Variants in ZFHX3 observed in about 807,000 individuals in gnomAD.
The protein encoded by ZFHX3 is zinc finger homeobox 3.
ZFHX3 carries 42 observed loss-of-function variants against 279.1 expected under a neutral mutation model. The ratio of observed to expected loss-of-function variants is 0.15; its 90% CI spans 0.12 to 0.19. The LOEUF (loss-of-function observed/expected upper bound fraction) is 0.19, where lower values mean the gene tolerates loss of function less well. ZFHX3 is among the 10% of genes least tolerant of loss of function. ZFHX3 has a pLI of 1.00. For missense variants in ZFHX3, 4,981 were observed against 4,754.0 expected, an observed-to-expected ratio of 1.05 and a Z score of -1.40; for synonymous variants, 2,293 against 1,957.8, an observed-to-expected ratio of 1.17 and a Z score of -4.52.
intron 4 of ZFHX3, among the ~76,000 whole-genome samples, chr16:73,301,868 C>G (rs2015063743): frequency 6.6e-6 from 1 of 151,282 alleles, no homozygotes. Flanking sequence ...CCGGCAAGAG[C>G]ATCCTCAAGC....
intron 1 of ZFHX3, among the ~76,000 whole-genome samples, chr16:73,795,523 C>T (rs1959964900): frequency 6.6e-6 from 1 of 152,124 alleles, no homozygotes; most frequent in African/African-American, 2.4e-5. Context: ...CATTAAAACC[C>T]TGAATAGAGA....
intron 3 of ZFHX3, among the ~76,000 whole-genome samples, chr16:73,362,235 G>A (rs551179657): frequency 5.4e-4 from 82 of 152,300 alleles, no homozygotes; most frequent in African/African-American, 1.9e-3. Context: ...TCAGGTCTCT[G>A]AGAGGCACAA....
intron 2 of ZFHX3, among the ~76,000 whole-genome samples, chr16:73,517,816 T>C (rs1452706402): frequency 1.3e-5 from 2 of 152,208 alleles, no homozygotes; most frequent in African/African-American, 4.8e-5. Context: ...TGCTCAGGTC[T>C]AAAGCAGTGT....
chr16:73,116,311 A>G (rs1380081246), intron 7 of ZFHX3, among the ~76,000 whole-genome samples: 1 of 151,984 alleles, frequency 6.6e-6, no homozygotes, highest in African/African-American at 2.4e-5. Context: ...TACCTCATTA[A>G]TGGGGATTTG....
intron 2 of ZFHX3, among the ~76,000 whole-genome samples, chr16:73,567,797 C>A (rs1280596513): frequency 1.3e-5 from 2 of 152,152 alleles, no homozygotes; most frequent in East Asian, 3.9e-4. Context: ...TATTGTATAC[C>A]TTCGAATTTT....
chr16:73,555,497 C>T (rs933367790), intron 2 of ZFHX3, among the ~76,000 whole-genome samples: 21 of 151,932 alleles, frequency 1.4e-4, no homozygotes, highest in Admixed American at 9.8e-4. Context: ...CTCCGCTTCC[C>T]TCCCCAGTGG....
chr16:73,649,965 G>T (rs1221480453), intron 2 of ZFHX3, among the ~76,000 whole-genome samples: 2 of 152,154 alleles, frequency 1.3e-5, no homozygotes, highest in African/African-American at 4.8e-5. Context: ...AGCACTTGAA[G>T]AAAAATAGTT....
At chr16:73,248,905 A>T (rs971592448) in intron 5 of ZFHX3, among the ~76,000 whole-genome samples, 1 of 152,180 alleles carries the variant, frequency 6.6e-6, no homozygotes. Context: ...GACCCTAAAA[A>T]AACTGTCCAG....
intron 3 of ZFHX3, among the ~76,000 whole-genome samples, chr16:73,394,655 C>T (rs185729400): frequency 1.1e-4 from 17 of 152,220 alleles, no homozygotes; most frequent in African/African-American, 4.1e-4. Context: ...CAAAGATATG[C>T]TTGTAATGGT....
chr16:73,193,655 G>A (rs1427331726), intron 5 of ZFHX3, among the ~76,000 whole-genome samples: 2 of 152,124 alleles, frequency 1.3e-5, no homozygotes, highest in Non-Finnish European at 2.9e-5. Context: ...TGTCTGGGAG[G>A]AGCCTTTAGT....
At chr16:73,704,454 T>C (rs897546807) in intron 1 of ZFHX3, among the ~76,000 whole-genome samples, 2 of 152,236 alleles carry the variant, frequency 1.3e-5, no homozygotes, top group Admixed American at 6.5e-5. Flanking sequence ...AAAGTCATTA[T>C]GGCAACACTT....
intron 1 of ZFHX3, among the ~76,000 whole-genome samples, chr16:73,691,624 T>C (rs1597068707): frequency 6.6e-6 from 1 of 152,328 alleles, no homozygotes; most frequent in African/African-American, 2.4e-5. Context: ...AACAACTCCA[T>C]GGGATAGATT....
At chr16:73,153,261 T>G (rs1176250269) in intron 5 of ZFHX3, among the ~76,000 whole-genome samples, 8 of 152,156 alleles carry the variant, frequency 5.3e-5, no homozygotes, top group Admixed American at 1.3e-4. Flanking sequence ...AATTGCACCT[T>G]GGGATGAATT....
At chr16:73,192,408 C>G (rs1052094957) in intron 5 of ZFHX3, among the ~76,000 whole-genome samples, 12 of 152,154 alleles carry the variant, frequency 7.9e-5, no homozygotes, top group Non-Finnish European at 1.8e-4. Flanking sequence ...GACTTCTCCC[C>G]TCCCCGGGAC....
chr16:73,817,897 C>A (rs192092894), intron 1 of ZFHX3, among the ~76,000 whole-genome samples: 1 of 152,168 alleles, frequency 6.6e-6, no homozygotes, highest in Non-Finnish European at 1.5e-5. Flanking sequence ...TTGTACCGAA[C>A]CCCCCTCAAA....
chr16:73,785,312 T>C (rs1359679124), intron 1 of ZFHX3, among the ~76,000 whole-genome samples: 1 of 152,244 alleles, frequency 6.6e-6, no homozygotes, highest in Admixed American at 6.5e-5. Context: ...CTGTTTTCTA[T>C]GTATCTACCA....
chr16:73,524,033 A>C (rs921556472), intron 2 of ZFHX3, among the ~76,000 whole-genome samples: 3 of 152,180 alleles, frequency 2.0e-5, no homozygotes, highest in Non-Finnish European at 4.4e-5. Context: ...GCATCCTGGC[A>C]GCTCTGCTGT....
intron 1 of ZFHX3, among the ~76,000 whole-genome samples, chr16:72,994,709 T>C (rs1326938784): frequency 6.6e-6 from 1 of 152,256 alleles, no homozygotes; most frequent in Non-Finnish European, 1.5e-5. Flanking sequence ...ACTTGTTTGT[T>C]GTAGCTATTA....
chr16:72,942,318 G>A (rs1223538223), intron 3 of ZFHX3, among the ~76,000 whole-genome samples: 2 of 152,176 alleles, frequency 1.3e-5, no homozygotes, highest in East Asian at 3.8e-4. Flanking sequence ...AGAAGCAACG[G>A]AATATTTGCA....
Sources: allele counts gnomAD v4.1 joint callset (sites outside exome capture counted in the v4.1 genomes callset), GRCh38; gene constraint gnomAD v4.1.1; transcripts MANE v1.5; gene names NCBI Gene and HGNC (gene_info 2026-07-23, HGNC 2026-07-21).